BBIP1: variants seen among roughly 807,000 people sequenced by gnomAD.
BBIP1 encodes the protein BBSome interacting protein 1, also known as BBSome-interacting protein 1.
BBIP1 carries 6 observed loss-of-function variants against 8.9 expected under a neutral mutation model. The ratio of observed to expected loss-of-function variants is 0.67; its 90% CI spans 0.37 to 1.33. The LOEUF (loss-of-function observed/expected upper bound fraction) is 1.33, where lower values mean the gene tolerates loss of function less well. Ranked by LOEUF, BBIP1 falls within the 40% of genes most tolerant of loss-of-function variation. BBIP1 has a pLI of 0.02. For missense variants in BBIP1, 111 were observed against 109.2 expected (o/e 1.02, Z -0.07); for synonymous variants, 32 against 33.4 (o/e 0.96, Z 0.14).
intron 2 of BBIP1, chr10:110,911,458 A>G (rs193023688): frequency 6.6e-6 from 1 of 152,212 alleles, no homozygotes; most frequent in East Asian, 1.9e-4. Flanking sequence ...AGTGTTTAGT[A>G]CGAAGTCATG....
At chr10:110,916,014 T>C (rs1269113854) in intron 2 of BBIP1, among the ~76,000 whole-genome samples, 2 of 152,222 alleles carry the variant, frequency 1.3e-5, no homozygotes, top group African/African-American at 2.4e-5. Flanking sequence ...CACTGTTTAA[T>C]AGATTATTAA....
intron 2 of BBIP1, among the ~76,000 whole-genome samples, chr10:110,914,789 T>A (rs555688108): frequency 1.3e-5 from 2 of 152,338 alleles, no homozygotes; most frequent in South Asian, 4.1e-4. Context: ...TTGGGTGAAC[T>A]TGGATGATGC....
At chr10:110,907,643 A>G (rs901302275) in intron 2 of BBIP1, 6 of 619,288 alleles carry the variant, frequency 9.7e-6, no homozygotes, top group Admixed American at 2.7e-5. Context: ...GACACTACAT[A>G]TAAAAGTTTA....
chr10:110,907,490 G>T, intron 2 of BBIP1: 1 of 436,778 alleles, frequency 2.3e-6, no homozygotes, highest in Admixed American at 4.5e-5. Context: ...TCTAGCTTAG[G>T]TGACAGAGTA....
At chr10:110,911,801 T>A (rs1846284054) in intron 2 of BBIP1, 1 of 152,132 alleles carries the variant, frequency 6.6e-6, no homozygotes, top group Admixed American at 6.5e-5. Flanking sequence ...ATGCTACATC[T>A]GTAGGATAGG....
chr10:110,901,670 C>T, intron 2 of BBIP1, 58 bp from the exon 3 acceptor site: 1 of 1,285,214 alleles, frequency 7.8e-7, no homozygotes, highest in Non-Finnish European at 1.1e-6. Context: ...CTGCCTGAGA[C>T]ATTTCCATTG....
chr10:110,914,340 G>A (rs1234390123), intron 2 of BBIP1, among the ~76,000 whole-genome samples: 1 of 151,962 alleles, frequency 6.6e-6, no homozygotes, highest in East Asian at 1.9e-4. Context: ...GGTTCTGAGA[G>A]GGGGTGGTGA....
chr10:110,903,054 C>G (rs1266188891), intron 2 of BBIP1: 1 of 152,070 alleles, frequency 6.6e-6, no homozygotes, highest in Non-Finnish European at 1.5e-5. Flanking sequence ...TCATTATGAT[C>G]ACATTTCTTT....
rs1416027735 is a variant in BBIP1 at position 110,899,406 on chromosome 10, C to T, written c.*954G>A. 6.6e-6 allele frequency: 1 copy of T among 152,122 alleles called. No homozygotes were observed. The highest frequency in any genetic ancestry group is 2.4e-5 in the African/African-American group (1 of 41,428). 9.4% of individuals were successfully genotyped at this position (152,122 alleles called of 1,614,324 possible). A position where few individuals can be genotyped will look rare whatever the true frequency, so the allele number is the denominator to read the frequency against. ...CATTTTTAGGTTTTTAATTGTTTGACACTTGGATGATAAATGCAGTCATTT... is the reference window on the plus strand; with the variant it reads ...CATTTTTAGGTTTTTAATTGTTTGATACTTGGATGATAAATGCAGTCATTT... On this transcript the variant is annotated 3_prime_UTR_variant, in exon 4 of 4. Coordinates refer to ENST00000448814, the MANE Select transcript of BBIP1 (RefSeq NM_001195305.3).
rs1042508839 is a variant in BBIP1, at chr10:110,900,271, A to C, written c.*89T>G. ...ATACTATCAATTTTATTGATAACAC[A>C]TACTACTTTCAGCACACAGAAGCAT... On this transcript the variant is annotated 3_prime_UTR_variant, in exon 4 of 4. Transcript: ENST00000448814. The C allele has an allele frequency of 4.6e-5, 56 of 1,215,130 alleles. No individual in the cohort carries two copies. Among genetic ancestry groups the C allele is most frequent in the Non-Finnish European group, 6.0e-5 (54 of 901,312 alleles). The allele number at this position is 1,215,130 out of a possible 1,614,324, so 75.3% of individuals were successfully genotyped here.
In BBIP1 at chr10:110,900,107, T is replaced by A; in HGVS notation, c.*253A>T. On this transcript the variant is annotated 3_prime_UTR_variant, in exon 4 of 4. Transcript: ENST00000448814. ...CAATAGGAATGGTGAACAAATAATT[T>A]AATTTGCAATTCTAAAAACATGACT... 1 of 352,750 alleles carries A rather than the reference T, an allele frequency of 2.8e-6. No individual in the cohort carries two copies. The highest frequency in any genetic ancestry group is 5.0e-6 in the Non-Finnish European group (1 of 198,104). 21.9% of individuals were successfully genotyped at this position (352,750 alleles called of 1,614,324 possible).
At chr10:110,918,971 C>G (rs1027782581) in intron 1 of BBIP1, 150 bp downstream of exon 1, 1 of 152,290 alleles carries the variant, frequency 6.6e-6, no homozygotes, top group African/African-American at 2.4e-5. Context: ...GAGGGAATTT[C>G]GGAGCCCTAA....
intron 2 of BBIP1, chr10:110,912,098 A>G (rs958486649): frequency 6.6e-6 from 1 of 152,024 alleles, no homozygotes; most frequent in Admixed American, 6.6e-5. Context: ...TAGTTTGGGA[A>G]CTGTGTCACA....
At chr10:110,907,797 C>G in intron 2 of BBIP1, 1 of 701,294 alleles carries the variant, frequency 1.4e-6, no homozygotes, top group Non-Finnish European at 2.6e-6. Flanking sequence ...TGTTAATGGA[C>G]TTTCTGATAA....
In BBIP1 at chr10:110,900,183, A is replaced by G; in HGVS notation, c.*177T>C. ...GTTTAACTGTTTATGTTCAATACAA[A>G]CCAGAGTGTTTACATTCACAATACA... On this transcript the variant is annotated 3_prime_UTR_variant, in exon 4 of 4. Transcript: ENST00000448814. The G allele has an allele frequency of 1.6e-6, 1 of 643,010 alleles. No homozygotes were observed. Among genetic ancestry groups the G allele is most frequent in the Non-Finnish European group, 2.5e-6 (1 of 406,112 alleles). 39.8% of individuals were successfully genotyped at this position (643,010 alleles called of 1,614,324 possible). A position where few individuals can be genotyped will look rare whatever the true frequency, so the allele number is the denominator to read the frequency against.
At chr10:110,917,551 A>G (rs1846441415) in intron 2 of BBIP1, among the ~76,000 whole-genome samples, 1 of 152,210 alleles carries the variant, frequency 6.6e-6, no homozygotes, top group Non-Finnish European at 1.5e-5. Flanking sequence ...ATAATAAAAC[A>G]CTGGGGAAAA....
intron 2 of BBIP1, chr10:110,910,550 G>T (rs1168999305): frequency 1.3e-5 from 2 of 152,196 alleles, no homozygotes; most frequent in African/African-American, 4.8e-5. Flanking sequence ...AATTGTTTAG[G>T]TAAGATGATG....
intron 2 of BBIP1, among the ~76,000 whole-genome samples, chr10:110,915,251 G>A (rs1189610651): frequency 6.6e-6 from 1 of 151,916 alleles, no homozygotes; most frequent in Non-Finnish European, 1.5e-5. Context: ...TGACCTTCTG[G>A]GCTCAAGTGA....
At chr10:110,918,001 G>A in intron 2 of BBIP1, 120 bp downstream of exon 2, 1 of 830,362 alleles carries the variant, frequency 1.2e-6, no homozygotes, top group Non-Finnish European at 1.9e-6. Context: ...TAACAGCAAA[G>A]AAACAAGAGT....
Sources: gnomAD v4.1 joint callset for allele counts (sites outside exome capture counted in the v4.1 genomes callset) on GRCh38, gnomAD v4.1.1 for gene constraint, MANE v1.5 for transcripts, NCBI Gene and HGNC (gene_info 2026-07-23, HGNC 2026-07-21) for gene names.